GNL2: variants seen among roughly 807,000 people sequenced by gnomAD.
GNL2 encodes nucleolar GTP-binding protein 2.
GNL2 carries 51 observed loss-of-function variants against 92.3 expected under a neutral mutation model. That is an observed-to-expected ratio of 0.55 (90% confidence interval 0.44 to 0.70). GNL2 has a LOEUF of 0.70. Ranked by LOEUF, GNL2 falls within the 30% of genes least tolerant of loss-of-function variation. The pLI, the probability that GNL2 is intolerant of heterozygous loss-of-function variation, is 0.00. For synonymous variants in GNL2, 283 were observed against 300.6 expected (o/e 0.94, Z 0.61); for missense variants, 844 against 895.6 (o/e 0.94, Z 0.74).
intron 8 of GNL2, among the ~76,000 whole-genome samples, chr1:37,579,316 G>A (rs958826409): frequency 6.6e-6 from 1 of 150,872 alleles, no homozygotes; most frequent in Non-Finnish European, 1.5e-5. Context: ...GGGAGGCCGA[G>A]GGGGGCGGAT....
In GNL2 at chr1:37,592,711, C is replaced by T. The variant is rs763687931; in HGVS notation, c.244+1G>A. ...GCAAAGTAACAGGGGATAATACTCACCAAACCATTTAATATTTGGCTCTAC... is the reference window on the plus strand; with the variant it reads ...GCAAAGTAACAGGGGATAATACTCATCAAACCATTTAATATTTGGCTCTAC... On this transcript the variant is annotated splice_donor_variant, in intron 3 of 15. Coordinates refer to ENST00000373062, the MANE Select transcript of GNL2 (RefSeq NM_013285.3). LOFTEE classifies it high-confidence loss of function. 5.3e-5 allele frequency: 81 copies of T among 1,530,366 alleles called. No individual in the cohort carries two copies. Among genetic ancestry groups the T allele is most frequent in the Non-Finnish European group, 6.9e-5 (76 of 1,103,890 alleles). The allele number at this position is 1,530,366 out of a possible 1,614,324, so 94.8% of individuals were successfully genotyped here.
At chr1:37,568,700 C>T (rs1483884522) in intron 13 of GNL2, 151 bp downstream of exon 13, 18 of 668,428 alleles carry the variant, frequency 2.7e-5, no homozygotes, top group Non-Finnish European at 3.9e-5. Flanking sequence ...GGCAACATAG[C>T]GAGACGCCGT....
At chr1:37,594,187 G>A (rs890036551) in intron 1 of GNL2, 2 of 177,266 alleles carry the variant, frequency 1.1e-5, no homozygotes, top group South Asian at 1.4e-4. Context: ...GCTGCGGAGT[G>A]AGAAACTGAG....
chr1:37,575,508 T>C lies in GNL2; in HGVS notation c.1143+87A>G. ...GACAGGCTGACCCCAAACTGCCTTC[T>C]TAATAAGTAAAAAGGAAAGGTATCC... is the stretch of plus-strand genomic sequence containing the variant. On this transcript the variant is annotated intron_variant, in intron 10 of 15. Transcript: ENST00000373062. The surrounding 1 kb of genome is among the most constrained non-coding windows in gnomAD (Gnocchi z 4.1). 1.4e-6 allele frequency: 1 copy of C among 734,374 alleles called. No homozygotes were observed. Among genetic ancestry groups the C allele is most frequent in the Non-Finnish European group, 2.2e-6 (1 of 455,862 alleles). 45.5% of individuals were successfully genotyped at this position (734,374 alleles called of 1,614,324 possible). A position where few individuals can be genotyped will look rare whatever the true frequency, so the allele number is the denominator to read the frequency against.
chr1:37,579,277 G>T (rs1643726082), intron 8 of GNL2, among the ~76,000 whole-genome samples: 1 of 152,222 alleles, frequency 6.6e-6, no homozygotes. Context: ...GCCGGGAGCA[G>T]TGGCTCACGT....
At chr1:37,585,513 T>C (rs1413006215) in intron 5 of GNL2, among the ~76,000 whole-genome samples, 1 of 152,226 alleles carries the variant, frequency 6.6e-6, no homozygotes, top group Admixed American at 6.5e-5. Context: ...AGCAGTATTT[T>C]TCTGATAAGG....
intron 8 of GNL2, 73 bp from the exon 9 acceptor site, chr1:37,576,629 TTTG>T: frequency 1.4e-6 from 2 of 1,455,488 alleles, no homozygotes; most frequent in Non-Finnish European, 1.9e-6. Flanking sequence ...GTTGTATTAC[TTTG>T]TTAATATCAA....
At chr1:37,570,576 C>A (rs1048712841) in intron 12 of GNL2, 2 of 151,996 alleles carry the variant, frequency 1.3e-5, no homozygotes, top group African/African-American at 4.8e-5. Flanking sequence ...GCAAGTTTGA[C>A]CCTCTCTTGC....
intron 9 of GNL2, 78 bp downstream of exon 9, chr1:37,576,350 G>A: frequency 7.7e-7 from 1 of 1,298,898 alleles, no homozygotes; most frequent in Non-Finnish European, 1.1e-6. Flanking sequence ...GAAGCAGAGA[G>A]AAATCAACAA....
chr1:37,579,987 G>A (rs1643741031), intron 8 of GNL2, among the ~76,000 whole-genome samples: 1 of 151,736 alleles, frequency 6.6e-6, no homozygotes, highest in Admixed American at 6.6e-5. Context: ...ACAGACAACT[G>A]AGGGAGGAAA....
chr1:37,574,248 A>G (rs1387283391), intron 12 of GNL2, 95 bp downstream of exon 12: 1 of 601,962 alleles, frequency 1.7e-6, no homozygotes, highest in South Asian at 2.6e-5. Flanking sequence ...CCGCAGCTGA[A>G]TGAATACACG....
In GNL2 at chr1:37,590,836, C is replaced by A. The variant is rs745746213; in HGVS notation, c.254G>T (p.Arg85Leu). Residue 85 changes from arginine to leucine, a missense_variant, in exon 4 of 16, where the codon CGT becomes CTT. Coordinates refer to ENST00000373062, the MANE Select transcript of GNL2 (RefSeq NM_013285.3). ...EPNIKWFGNT[R>L]VIKQSSLQKF... ...TTGTAATGATGACTGCTTAATCACA[C>A]GTGTGTTTCCTGTTTTACAAATAAA... The A allele has an allele frequency of 9.5e-6, 15 of 1,571,264 alleles. No homozygotes were observed. Among genetic ancestry groups the A allele is most frequent in the Non-Finnish European group, 1.2e-5 (14 of 1,159,406 alleles).
intron 4 of GNL2, among the ~76,000 whole-genome samples, chr1:37,588,963 A>G (rs1280657650): frequency 1.3e-5 from 2 of 152,250 alleles, no homozygotes; most frequent in Non-Finnish European, 2.9e-5. Flanking sequence ...TACATACCAG[A>G]TATTTAAACA....
intron 8 of GNL2, chr1:37,581,377 T>C (rs1279619104): frequency 2.2e-6 from 1 of 456,098 alleles, no homozygotes; most frequent in East Asian, 7.0e-5. Context: ...TAGGGTAGTC[T>C]GGTTCCACGG....
intron 12 of GNL2, chr1:37,570,679 C>G (rs1643580804): frequency 6.6e-6 from 1 of 152,146 alleles, no homozygotes; most frequent in Non-Finnish European, 1.5e-5. Flanking sequence ...AAACATGAGC[C>G]AAAACAATTT....
Position 37,574,900 on chromosome 1 carries a change from C to T in GNL2, c.1144-77G>A. On this transcript the variant is annotated intron_variant, in intron 10 of 15. Transcript: ENST00000373062. ...GAAGTTCCCAGTGTCCTTTGCAGCA[C>T]TATTTGAAAATAGACTTCAACATCA... 4 of 1,055,670 alleles carry T rather than the reference C, an allele frequency of 3.8e-6. No homozygotes were observed. In the South Asian group the frequency reaches 4.2e-5, roughly 11 times the overall value. The allele number at this position is 1,055,670 out of a possible 1,614,324, so 65.4% of individuals were successfully genotyped here.
intron 3 of GNL2, among the ~76,000 whole-genome samples, chr1:37,591,065 A>C (rs557799900): frequency 6.6e-6 from 1 of 152,208 alleles, no homozygotes; most frequent in Non-Finnish European, 1.5e-5. Context: ...AGACCCACAA[A>C]GGGTTTCAAT....
intron 8 of GNL2, 63 bp downstream of exon 8, chr1:37,582,160 G>C: frequency 8.9e-7 from 1 of 1,128,616 alleles, no homozygotes. Flanking sequence ...GCCATGGCAA[G>C]ACAGATTCTT....
chr1:37,571,502 C>T (rs966750308), intron 12 of GNL2, among the ~76,000 whole-genome samples: 1 of 152,168 alleles, frequency 6.6e-6, no homozygotes, highest in African/African-American at 2.4e-5. Context: ...TGCATGAGAA[C>T]ACAGCTTCTT....
Sources: allele counts gnomAD v4.1 joint callset (sites outside exome capture counted in the v4.1 genomes callset), GRCh38; gene constraint gnomAD v4.1.1; non-coding constraint Gnocchi (gnomAD v3.1); transcripts MANE v1.5; gene names NCBI Gene and HGNC (gene_info 2026-07-23, HGNC 2026-07-21).